Variants in MYO3A observed in about 807,000 individuals in gnomAD.
The protein encoded by MYO3A is myosin IIIA.
In MYO3A, 180 loss-of-function variants were observed where a neutral mutation model predicts 192.7. The ratio of observed to expected loss-of-function variants is 0.93; its 90% confidence interval spans 0.83 to 1.06. The LOEUF (loss-of-function observed/expected upper bound fraction) is 1.06, where lower values mean the gene tolerates loss of function less well. MYO3A is among the 50% of genes least tolerant of loss of function. The probability of loss-of-function intolerance (pLI) is 0.00; values close to 1 mark genes in which losing one functional copy is unlikely to be tolerated. For synonymous variants in MYO3A, 628 were observed against 645.3 expected, an observed-to-expected ratio of 0.97 and a Z score of 0.41; for missense variants, 1,896 against 1,905.0, an observed-to-expected ratio of 1.00 and a Z score of 0.09.
chr10:26,069,565 C>T (rs1835066397), intron 12 of MYO3A, among the ~76,000 whole-genome samples: 4 of 151,948 alleles, frequency 2.6e-5, no homozygotes, highest in Admixed American at 2.6e-4. Flanking sequence ...TCATCTTTTG[C>T]CATCCTAAAA....
At chr10:26,114,103 C>G (rs886639824) in intron 17 of MYO3A, among the ~76,000 whole-genome samples, 1 of 152,184 alleles carries the variant, frequency 6.6e-6, no homozygotes, top group Non-Finnish European at 1.5e-5. Context: ...CCCAACCTCC[C>G]TCCACCCCAG....
chr10:25,948,487 A>C (rs1837004139), intron 2 of MYO3A, among the ~76,000 whole-genome samples: 1 of 152,054 alleles, frequency 6.6e-6, no homozygotes, highest in African/African-American at 2.4e-5. Context: ...GTTGAAAATA[A>C]TTATTTGGCT....
rs771948684 is a variant in MYO3A, at chr10:26,159,143, A to ACCGCGCCCGCCC, written c.2999+1630_2999+1631insGCGCCCGCCCCC. Among the ~76,000 whole-genome samples, 852 of 150,940 alleles carry ACCGCGCCCGCCC rather than the reference A, an allele frequency of 5.6e-3. 24 individuals are homozygous for ACCGCGCCCGCCC. The highest frequency in any genetic ancestry group is 0.011 in the East Asian group (57 of 5,056). On this transcript the variant is annotated intron_variant, in intron 26 of 34. Transcript: ENST00000642920. ...ATAGCTAGAACTACAGGCGCCCGCC[A>ACCGCGCCCGCCC]CCACGCCCGGCTAATTTTTTGTACT...
chr10:26,094,494 G>A (rs528653195), intron 15 of MYO3A, among the ~76,000 whole-genome samples: 342 of 137,362 alleles, frequency 2.5e-3, no homozygotes, highest in Non-Finnish European at 4.2e-3. Context: ...GCACGATTTC[G>A]GCTCATTGCA....
chr10:26,060,277 A>G (rs1393705151), intron 10 of MYO3A, among the ~76,000 whole-genome samples: 3 of 107,462 alleles, frequency 2.8e-5, no homozygotes, highest in Non-Finnish European at 4.7e-5. Flanking sequence ...AAATAAATAA[A>G]TACATACATA....
intron 3 of MYO3A, among the ~76,000 whole-genome samples, chr10:25,953,727 G>A (rs12250378): frequency 0.081 from 12,360 of 152,012 alleles, 825 homozygotes; most frequent in African/African-American, 0.17. Flanking sequence ...ATACCTACAA[G>A]CCTTATAAGT....
intron 4 of MYO3A, among the ~76,000 whole-genome samples, chr10:25,993,910 G>C (rs927801842): frequency 1.1e-4 from 17 of 152,178 alleles, no homozygotes; most frequent in African/African-American, 4.1e-4. Context: ...TTTTACATTT[G>C]CTGAGGAGTG....
intron 6 of MYO3A, among the ~76,000 whole-genome samples, chr10:26,006,191 A>G (rs1841192691): frequency 6.6e-6 from 1 of 152,190 alleles, no homozygotes; most frequent in Non-Finnish European, 1.5e-5. Flanking sequence ...AACGAGAACA[A>G]AGACACAACA....
At chr10:26,046,309 G>A (rs901440968) in intron 10 of MYO3A, among the ~76,000 whole-genome samples, 9 of 152,298 alleles carry the variant, frequency 5.9e-5, no homozygotes, top group African/African-American at 1.9e-4. Context: ...TGGTCTATTG[G>A]TGTCTGTTGC....
At chr10:25,993,443 T>G (rs776523312) in intron 4 of MYO3A, among the ~76,000 whole-genome samples, 6 of 152,182 alleles carry the variant, frequency 3.9e-5, no homozygotes, top group Non-Finnish European at 8.8e-5. Context: ...GATGATTTTG[T>G]TGATTTTTTC....
intron 15 of MYO3A, among the ~76,000 whole-genome samples, chr10:26,090,688 C>A (rs1836647504): frequency 1.3e-5 from 2 of 152,164 alleles, no homozygotes; most frequent in South Asian, 4.1e-4. Flanking sequence ...TGGAAGAATT[C>A]TTAATAGGTA....
chr10:26,044,311 G>A (rs920775703), intron 10 of MYO3A, among the ~76,000 whole-genome samples: 4 of 152,218 alleles, frequency 2.6e-5, no homozygotes, highest in Non-Finnish European at 5.9e-5. Context: ...CACTCCCTTA[G>A]CCCACTGGCT....
intron 17 of MYO3A, among the ~76,000 whole-genome samples, chr10:26,107,020 C>T (rs1254478075): frequency 1.3e-5 from 2 of 151,586 alleles, no homozygotes; most frequent in East Asian, 1.9e-4. Context: ...AAAATCAGTT[C>T]CCAATGTTCT....
At chr10:26,139,580 G>C (rs975414415) in intron 20 of MYO3A, among the ~76,000 whole-genome samples, 1 of 152,168 alleles carries the variant, frequency 6.6e-6, no homozygotes, top group African/African-American at 2.4e-5. Flanking sequence ...TTAGAGTGCA[G>C]TTTCTTCAAG....
At chr10:25,972,148 C>A (rs1375124814) in intron 4 of MYO3A, among the ~76,000 whole-genome samples, 3 of 152,110 alleles carry the variant, frequency 2.0e-5, no homozygotes, top group African/African-American at 4.8e-5. Flanking sequence ...TGAAACTGTT[C>A]ATTTACCTTC....
intron 17 of MYO3A, among the ~76,000 whole-genome samples, chr10:26,103,055 C>A (rs1253895876): frequency 6.6e-6 from 1 of 152,244 alleles, no homozygotes; most frequent in Non-Finnish European, 1.5e-5. Context: ...CCACCCACTT[C>A]GAGCTTCCCA....
intron 20 of MYO3A, among the ~76,000 whole-genome samples, chr10:26,135,384 A>T (rs895513008): frequency 6.6e-6 from 1 of 151,892 alleles, no homozygotes; most frequent in Non-Finnish European, 1.5e-5. Flanking sequence ...TAATTATTAG[A>T]TTATTTCTGT....
intron 17 of MYO3A, among the ~76,000 whole-genome samples, chr10:26,100,960 T>G (rs1393923499): frequency 6.6e-6 from 1 of 152,218 alleles, no homozygotes; most frequent in African/African-American, 2.4e-5. Context: ...TTTTTAACTT[T>G]CTGTCTCATT....
intron 6 of MYO3A, among the ~76,000 whole-genome samples, chr10:26,001,075 C>G (rs1840769763): frequency 6.6e-6 from 1 of 152,158 alleles, no homozygotes; most frequent in South Asian, 2.1e-4. Flanking sequence ...AACCAATCAC[C>G]TCCCACCAGG....
Sources: allele counts gnomAD v4.1 joint callset (sites outside exome capture counted in the v4.1 genomes callset), GRCh38; gene constraint gnomAD v4.1.1; transcripts MANE v1.5; gene names NCBI Gene and HGNC (gene_info 2026-07-23, HGNC 2026-07-21).